DOCK1: variants seen among roughly 807,000 people sequenced by gnomAD.
DOCK1 encodes dedicator of cytokinesis protein 1.
In DOCK1, 138 loss-of-function variants were observed where a neutral mutation model predicts 262.7. The ratio of observed to expected loss-of-function variants is 0.53; its 90% confidence interval spans 0.46 to 0.61. DOCK1 has a LOEUF of 0.61. Among genes scored for constraint, DOCK1 ranks in the 20% least tolerant of loss-of-function variants. The probability of loss-of-function intolerance (pLI) is 0.00; values close to 1 mark genes in which losing one functional copy is unlikely to be tolerated. For synonymous variants in DOCK1, 866 were observed against 867.4 expected (o/e 1.00, Z 0.03); for missense variants, 1,908 against 2,370.7 (o/e 0.80, Z 4.05).
At chr10:127,264,046 T>C (rs1470552969) in intron 29 of DOCK1, among the ~76,000 whole-genome samples, 1 of 152,176 alleles carries the variant, frequency 6.6e-6, no homozygotes, top group Non-Finnish European at 1.5e-5. Flanking sequence ...CTACAACATG[T>C]GGTGGGTGAG....
rs1337292590 is a variant in DOCK1, at chr10:127,446,979, A to T, written c.5414-415A>T. On this transcript the variant is annotated intron_variant, in intron 50 of 51. Coordinates refer to ENST00000623213, the MANE Select transcript of DOCK1 (RefSeq NM_001290223.2). This position sits in a 1 kb window ranked among gnomAD's most constrained non-coding sequence, Gnocchi z 4.4. The stretch of plus-strand genomic sequence containing the variant: ...GTGAATCTCTCCAGGTGATAACTGC[A>T]GGGGTGACTGCAGGGGCCTGGCTTG... Among the ~76,000 whole-genome samples the T allele has an allele frequency of 6.6e-6, 1 of 152,098 alleles. No homozygotes were observed.
At position 127,439,178 on chromosome 10, in the gene DOCK1, A is replaced by G. The variant is rs551703160; in HGVS notation, c.5212A>G (p.Thr1738Ala). The stretch of plus-strand genomic sequence containing the variant: ...GATATTTGAGAAAGAATTTAAACCC[A>G]CCGACATTTCCCTGCAGCAGTCTGA... ...QEIFEKEFKP[T>A]DISLQQSEAV... The change falls in exon 49 of 52, where the codon ACC becomes GCC. Residue 1738 changes from threonine (T) to alanine (A), a missense_variant. Transcript: ENST00000623213. 7 of 1,611,678 alleles carry G rather than the reference A, an allele frequency of 4.3e-6. No individual in the cohort carries two copies. The African/African-American group carries it at 9.3e-5, about 21-fold the overall frequency.
chr10:127,011,919 T>C (rs962230647), intron 11 of DOCK1, among the ~76,000 whole-genome samples: 1 of 152,202 alleles, frequency 6.6e-6, no homozygotes, highest in Non-Finnish European at 1.5e-5. Flanking sequence ...CTTTCAACCA[T>C]GTGGCTTTCA....
chr10:126,923,001 C>T (rs1246902136), intron 1 of DOCK1, among the ~76,000 whole-genome samples: 11 of 152,172 alleles, frequency 7.2e-5, no homozygotes, highest in African/African-American at 1.2e-4. Flanking sequence ...CCCAGCTACT[C>T]GGGAGGCTGA....
At chr10:126,907,228 T>C (rs973711808) in intron 1 of DOCK1, among the ~76,000 whole-genome samples, 13 of 152,068 alleles carry the variant, frequency 8.5e-5, no homozygotes, top group African/African-American at 3.1e-4. Flanking sequence ...AGCTGAGGAC[T>C]GACTCCCAGG....
chr10:127,321,955 C>T (rs2062551460), intron 29 of DOCK1, among the ~76,000 whole-genome samples: 1 of 151,818 alleles, frequency 6.6e-6, no homozygotes, highest in Non-Finnish European at 1.5e-5. Context: ...ATACAAAAAT[C>T]AGCCAGATGT....
chr10:126,980,145 C>T (rs2038846866), intron 3 of DOCK1, among the ~76,000 whole-genome samples: 1 of 152,098 alleles, frequency 6.6e-6, no homozygotes, highest in Non-Finnish European at 1.5e-5. Flanking sequence ...AGGACCTGAA[C>T]ACAGCAACCC....
intron 1 of DOCK1, among the ~76,000 whole-genome samples, chr10:126,907,829 C>T (rs1591272184): frequency 6.6e-6 from 1 of 152,016 alleles, no homozygotes; most frequent in African/African-American, 2.4e-5. Flanking sequence ...AACATCACAC[C>T]TCTTGCTAAT....
chr10:127,038,647 G>T (rs2043817679), intron 19 of DOCK1, among the ~76,000 whole-genome samples: 1 of 152,164 alleles, frequency 6.6e-6, no homozygotes, highest in Non-Finnish European at 1.5e-5. Context: ...CTTCCCACGG[G>T]ACGCTCTGCA....
chr10:127,385,013 T>G, intron 38 of DOCK1, 104 bp downstream of exon 38: 3 of 1,322,896 alleles, frequency 2.3e-6, no homozygotes, highest in Non-Finnish European at 3.0e-6. Flanking sequence ...AACCAGAAAT[T>G]TGTTACAAGT....
intron 37 of DOCK1, 25 bp from the exon 38 acceptor site, chr10:127,384,765 C>T (rs752149103): frequency 1.9e-5 from 29 of 1,531,100 alleles, no homozygotes; most frequent in South Asian, 9.1e-5. Flanking sequence ...GCCTCGGGTC[C>T]GCTCATGCTA....
At chr10:126,997,864 ATC>A (rs1466646659) in intron 7 of DOCK1, 1 of 514,920 alleles carries the variant, frequency 1.9e-6, no homozygotes, top group East Asian at 3.1e-5. Context: ...AAAGTTTTGT[ATC>A]TCTGAAAATA....
intron 27 of DOCK1, among the ~76,000 whole-genome samples, chr10:127,230,587 A>G (rs1307167887): frequency 6.6e-6 from 1 of 151,976 alleles, no homozygotes; most frequent in Non-Finnish European, 1.5e-5. Flanking sequence ...GTGTGGATTT[A>G]TTTCCAGGCT....
intron 29 of DOCK1, among the ~76,000 whole-genome samples, chr10:127,314,851 C>T (rs539389774): frequency 1.3e-5 from 2 of 152,314 alleles, no homozygotes; most frequent in South Asian, 4.1e-4. Flanking sequence ...TCTGAAGCCA[C>T]CAGCATTGTA....
intron 13 of DOCK1, among the ~76,000 whole-genome samples, chr10:127,020,655 G>T (rs1247475848): frequency 4.6e-5 from 7 of 152,090 alleles, no homozygotes; most frequent in Non-Finnish European, 1.0e-4. Flanking sequence ...GTTCTGGCAG[G>T]TTCCATGTGC....
At chr10:127,068,479 A>ATG (rs3070180) in intron 23 of DOCK1, among the ~76,000 whole-genome samples, 141,184 of 152,190 alleles carry the variant, frequency 0.93, 65,522 homozygotes, top group African/African-American at 0.96. Context: ...TCGTCTTTAT[A>ATG]TGTGTTCCAG....
chr10:127,406,177 C>T (rs1182387360), intron 40 of DOCK1, among the ~76,000 whole-genome samples: 1 of 152,152 alleles, frequency 6.6e-6, no homozygotes, highest in East Asian at 1.9e-4. Flanking sequence ...AGATCTACCT[C>T]TGGTATGTAG....
intron 10 of DOCK1, among the ~76,000 whole-genome samples, chr10:127,006,967 C>T (rs1011670207): frequency 4.6e-5 from 7 of 152,068 alleles, no homozygotes; most frequent in Admixed American, 6.5e-5. Context: ...CTGGTGGTCT[C>T]GGGCATCTTG....
chr10:126,954,645 G>A (rs1419674767), intron 1 of DOCK1, among the ~76,000 whole-genome samples: 2 of 152,262 alleles, frequency 1.3e-5, no homozygotes, highest in East Asian at 1.9e-4. Context: ...CTCTATGCAA[G>A]TGACTACTCT....
Sources: gnomAD v4.1 joint callset for allele counts (sites outside exome capture counted in the v4.1 genomes callset) on GRCh38, gnomAD v4.1.1 for gene constraint, Gnocchi (gnomAD v3.1) non-coding constraint, MANE v1.5 for transcripts, NCBI Gene and HGNC (gene_info 2026-07-23, HGNC 2026-07-21) for gene names.